TGOLN2: variants seen among roughly 807,000 people sequenced by gnomAD.
TGOLN2 encodes the protein trans-golgi network protein 2, also known as trans-Golgi network integral membrane protein 2.
A neutral mutation model predicts 31.3 loss-of-function variants in TGOLN2; 19 were observed. The observed-to-expected ratio is 0.61, with a 90% CI of 0.42 to 0.89. The LOEUF is 0.89. TGOLN2 is among the 40% of genes least tolerant of loss of function. TGOLN2 has a pLI of 0.00. For missense variants in TGOLN2, 540 were observed against 559.2 expected, an observed-to-expected ratio of 0.97 and a Z score of 0.35; for synonymous variants, 222 against 226.7, an observed-to-expected ratio of 0.98 and a Z score of 0.19.
In TGOLN2 at chr2:85,324,928, C is replaced by A. The variant is rs750518362; in HGVS notation, c.1295G>T (p.Arg432Leu). Residue 432 changes from arginine to leucine, a missense_variant, in exon 3 of 4, where the codon CGT (arginine) becomes CTT (leucine). Transcript: ENST00000377386. ...TRRPKASDYQRLDQKS is the reference protein window; with the variant it reads ...TRRPKASDYQLLDQKS ...CTCCTTCCTTACCTTCTGGTCCAAA[C>A]GTTGGTAGTCACTGGCCTTTGGCCG... 1.3e-5 allele frequency: 20 copies of A among 1,554,844 alleles called. No homozygotes were observed. The highest frequency in any genetic ancestry group is 1.9e-5 in the Admixed American group (1 of 51,364).
At chr2:85,326,465 G>A in intron 2 of TGOLN2, 43 bp downstream of exon 2, 2 of 1,587,018 alleles carry the variant, frequency 1.3e-6, no homozygotes, top group South Asian at 1.1e-5. Context: ...CTTCCAGGGT[G>A]CTGGAAACCC....
chr2:85,324,684 A>T, intron 3 of TGOLN2: 1 of 558,056 alleles, frequency 1.8e-6, no homozygotes, highest in Non-Finnish European at 3.2e-6. Context: ...CTGTGAAGGG[A>T]GGTAGCTGCT....
rs1311965314 is a variant in TGOLN2 at position 85,326,954 on chromosome 2, T to C, written c.778A>G (p.Lys260Glu). ...TTGGAGATGGGCTTGGAATGGTCTT[T>C]CCGGGAAGGCTGCTCTGGAACCACC... ...NKVVPEQPSR[K>E]DHSKPISNPS... is the part of the protein sequence containing the mutation. The change falls in exon 2 of 4, where the codon AAA becomes GAA. Residue 260 changes from lysine (K) to glutamate (E), a missense_variant. Coordinates refer to ENST00000377386, the MANE Select transcript of TGOLN2 (RefSeq NM_006464.4). 1 of 1,613,856 alleles carries C rather than the reference T, an allele frequency of 6.2e-7. No homozygotes were observed. Among genetic ancestry groups the C allele is most frequent in the East Asian group, 2.2e-5 (1 of 44,888 alleles).
At chr2:85,324,893 G>T in intron 3 of TGOLN2, 22 bp downstream of exon 3, 2 of 1,551,646 alleles carry the variant, frequency 1.3e-6, no homozygotes, top group Non-Finnish European at 1.7e-6. Flanking sequence ...CCCTCCCATG[G>T]ACCTGGCTCC....
chr2:85,327,957 C>A lies in TGOLN2; in HGVS notation c.6G>T (p.Arg2=). The part of the protein sequence containing the change: M[R]FVVALVLLNV... ...TCAGGAGGACCAAGGCAACCACGAA[C>A]CGCATCCTGCTCGGATAGCGCTTCC... Residue 2 remains arginine (R), a synonymous_variant, in exon 1 of 4, where the codon CGG becomes CGT. Transcript: ENST00000377386. The A allele has an allele frequency of 1.3e-6, 2 of 1,596,022 alleles. No homozygotes were observed. The highest frequency in any genetic ancestry group is 8.5e-7 in the Non-Finnish European group (1 of 1,171,786).
intron 3 of TGOLN2, among the ~76,000 whole-genome samples, chr2:85,323,659 C>G (rs1228370742): frequency 1.3e-5 from 2 of 152,212 alleles, no homozygotes; most frequent in Admixed American, 1.3e-4. Flanking sequence ...TAAAGCTAGC[C>G]TACTGGACTA....
chr2:85,327,735 G>A (rs1682808696), intron 1 of TGOLN2, 50 bp from the exon 2 acceptor site: 2 of 1,302,308 alleles, frequency 1.5e-6, no homozygotes, highest in Admixed American at 2.4e-5. Flanking sequence ...CGGGAAGAAG[G>A]AACTCCTCAG....
chr2:85,327,800 G>T, intron 1 of TGOLN2, 115 bp from the exon 2 acceptor site: 1 of 1,504,028 alleles, frequency 6.6e-7, no homozygotes, highest in Non-Finnish European at 9.0e-7. Flanking sequence ...TGGGGCGGGA[G>T]ACGATGGCGA....
chr2:85,322,774 G>A (rs780300562), intron 3 of TGOLN2, 33 bp from the exon 4 acceptor site: 4 of 1,606,986 alleles, frequency 2.5e-6, no homozygotes, highest in East Asian at 2.2e-5. Context: ...AGGAGGTGCA[G>A]GGAAAACATT....
In TGOLN2 at chr2:85,323,116, G is replaced by C. The variant is rs550621597; in HGVS notation, c.1309-375C>G. On this transcript the variant is annotated intron_variant, in intron 3 of 3. Coordinates refer to ENST00000377386, the MANE Select transcript of TGOLN2 (RefSeq NM_006464.4). ...CCTCGGCTTCCTCAGTAGTAGCTGG[G>C]ATTACCATGCCCAGCTAATTTTTGT... is the stretch of plus-strand genomic sequence containing the variant. Among the ~76,000 whole-genome samples, 5 of 152,238 alleles carry C rather than the reference G, an allele frequency of 3.3e-5. No individual in the cohort carries two copies. In the East Asian group the frequency reaches 9.7e-4, roughly 29 times the overall value.
At chr2:85,324,366 G>A (rs759594376) in intron 3 of TGOLN2, 2 of 153,002 alleles carry the variant, frequency 1.3e-5, no homozygotes, top group South Asian at 2.0e-4. Flanking sequence ...GTTGTAGTGA[G>A]CCGAGATTGC....
chr2:85,327,437 C>T lies in TGOLN2; in HGVS notation c.295G>A (p.Gly99Ser), dbSNP rs1381334713. The change falls in exon 2 of 4, where the codon GGT becomes AGT. Residue 99 changes from glycine to serine, a missense_variant. Physicochemically the swap from Gly to Ser is moderately conservative, Grantham distance 56. Transcript: ENST00000377386. Reference protein sequence around the residue: ...KTQKDSSNKSGAEAKTQKGST... With the variant: ...KTQKDSSNKSSAEAKTQKGST... Reference sequence around the variant, plus strand: ...CCTTTTTGGGTCTTTGCCTCCGCACCCGACTTGTTGGAGCTGTCTTTTTGG... The same window carrying T: ...CCTTTTTGGGTCTTTGCCTCCGCACTCGACTTGTTGGAGCTGTCTTTTTGG... 2 of 1,612,792 alleles carry T rather than the reference C, an allele frequency of 1.2e-6. No homozygotes were observed. Among genetic ancestry groups the T allele is most frequent in the Non-Finnish European group, 1.7e-6 (2 of 1,179,316 alleles).
chr2:85,323,471 A>AGTACTC (rs1182276450), intron 3 of TGOLN2, among the ~76,000 whole-genome samples: 1 of 152,058 alleles, frequency 6.6e-6, no homozygotes, highest in East Asian at 1.9e-4. Flanking sequence ...GAGGCTGAAG[A>AGTACTC]GGGAGAACTG....
chr2:85,324,791 A>G, intron 3 of TGOLN2, 124 bp downstream of exon 3: 1 of 843,106 alleles, frequency 1.2e-6, no homozygotes, highest in South Asian at 1.5e-5. Flanking sequence ...TGCAACAGCA[A>G]CAGCAACCGC....
rs376615161 is a variant in TGOLN2, at chr2:85,327,637, C to A, written c.95G>T (p.Gly32Val). Residue 32 changes from glycine to valine, a missense_variant, in exon 2 of 4, where the codon GGA becomes GTA. Physicochemically the swap from Gly to Val is moderately radical, Grantham distance 109. Coordinates refer to ENST00000377386, the MANE Select transcript of TGOLN2 (RefSeq NM_006464.4). ...ATESVKQEEAGVRPSAGNVST... is the reference protein window; with the variant it reads ...ATESVKQEEAVVRPSAGNVST... ...GACGTTTCCTGCAGAAGGCCGTACT[C>A]CAGCTTCTTCTTGCTTGACGCTTTC... 9 of 1,613,590 alleles carry A rather than the reference C, an allele frequency of 5.6e-6. No individual in the cohort carries two copies. In the African/African-American group the frequency reaches 1.2e-4, roughly 22 times the overall value.
At chr2:85,324,747 A>C in intron 3 of TGOLN2, 168 bp downstream of exon 3, 1 of 666,768 alleles carries the variant, frequency 1.5e-6, no homozygotes. Context: ...ATGTGTATCT[A>C]GATGTTTCTA....
chr2:85,326,089 C>T (rs1682719323), intron 2 of TGOLN2, among the ~76,000 whole-genome samples: 1 of 152,140 alleles, frequency 6.6e-6, no homozygotes, highest in East Asian at 1.9e-4. Flanking sequence ...ATTCTTTGTG[C>T]CACTGCTGAT....
intron 2 of TGOLN2, among the ~76,000 whole-genome samples, chr2:85,326,225 G>A (rs1265195080): frequency 6.6e-6 from 1 of 152,220 alleles, no homozygotes; most frequent in African/African-American, 2.4e-5. Flanking sequence ...GGACCTAAGT[G>A]CAAAGTTATG....
Position 85,327,590 on chromosome 2 carries a change from G to A in TGOLN2, c.142C>T (p.Gln48Ter). 1 of 1,614,080 alleles carries A rather than the reference G, an allele frequency of 6.2e-7. No individual in the cohort carries two copies. Among genetic ancestry groups the A allele is most frequent in the Non-Finnish European group, 8.5e-7 (1 of 1,179,902 alleles). ...GACTTGGTAGAGCCTCCAGGCCGTT[G>A]GCTCAAGCTGGGGTGGGTGGAGACG... Reference protein sequence around the residue: ...GNVSTHPSLSQRPGGSTKSHP... With the variant: ...GNVSTHPSLS Residue 48 changes from glutamine to a stop codon, truncating the protein, a stop_gained, in exon 2 of 4, where the codon CAA becomes TAA. Coordinates refer to ENST00000377386, the MANE Select transcript of TGOLN2 (RefSeq NM_006464.4). LOFTEE classifies it high-confidence loss of function.
Sources: allele counts gnomAD v4.1 joint callset (sites outside exome capture counted in the v4.1 genomes callset), GRCh38; gene constraint gnomAD v4.1.1; transcripts MANE v1.5; gene names NCBI Gene and HGNC (gene_info 2026-07-23, HGNC 2026-07-21).